TOGARAM2: variants seen among roughly 807,000 people sequenced by gnomAD.
TOGARAM2 encodes TOG array regulator of axonemal microtubules 2, also known as TOG array regulator of axonemal microtubules protein 2.
In TOGARAM2, 85 loss-of-function variants were observed where a neutral mutation model predicts 93.3. The ratio of observed to expected loss-of-function variants is 0.91; its 90% confidence interval spans 0.76 to 1.09. The LOEUF (loss-of-function observed/expected upper bound fraction) is 1.09. Among genes scored for constraint, TOGARAM2 ranks in the 50% least tolerant of loss-of-function variants. The pLI, the probability that TOGARAM2 is intolerant of heterozygous loss-of-function variation, is 0.00. For missense variants in TOGARAM2, 1,277 were observed against 1,334.5 expected (o/e 0.96, Z 0.67); for synonymous variants, 593 against 552.8 (o/e 1.07, Z -1.02).
intron 4 of TOGARAM2, among the ~76,000 whole-genome samples, chr2:28,999,815 A>C (rs1673191336): frequency 6.6e-6 from 1 of 152,172 alleles, no homozygotes; most frequent in Non-Finnish European, 1.5e-5. Context: ...AAGATCCCAA[A>C]TGTTCCCTTA....
chr2:29,002,490 C>A (rs761126219), intron 4 of TOGARAM2, 46 bp from the exon 5 acceptor site: 1 of 1,562,436 alleles, frequency 6.4e-7, no homozygotes, highest in Non-Finnish European at 8.7e-7. Flanking sequence ...CTTCCACTCC[C>A]TGTTCTTCTG....
In TOGARAM2 at chr2:28,966,147, C is replaced by T. The variant is rs541262834; in HGVS notation, c.-147+9450C>T. ...CTGGGATTACAGGTGTGCGCCACCA[C>T]GCCTGGCTAGTTTTTGTATTTTTAT... is the stretch of plus-strand genomic sequence containing the variant. On this transcript the variant is annotated intron_variant, in intron 1 of 6. Coordinates refer to the TOGARAM2 transcript ENST00000401723. 2.0e-4 allele frequency among the ~76,000 whole-genome samples: 30 copies of T among 151,466 alleles called. No homozygotes were observed. In the South Asian group the frequency reaches 5.0e-3, roughly 25 times the overall value.
intron 11 of TOGARAM2, 102 bp from the exon 12 acceptor site, chr2:29,022,978 GGGTGAC>G: frequency 1.2e-6 from 1 of 868,506 alleles, no homozygotes; most frequent in Non-Finnish European, 1.8e-6. Flanking sequence ...ACCCTGCTGC[GGGTGAC>G]GGTGGACCGT....
intron 7 of TOGARAM2, among the ~76,000 whole-genome samples, chr2:29,011,821 G>A (rs898105034): frequency 9.9e-5 from 15 of 152,212 alleles, no homozygotes; most frequent in African/African-American, 3.4e-4. Context: ...GCTGGCACAC[G>A]AAGGCTCTGT....
At chr2:28,993,076 AAAT>A (rs1672814859) in intron 1 of TOGARAM2, among the ~76,000 whole-genome samples, 1 of 141,498 alleles carries the variant, frequency 7.1e-6, no homozygotes, top group Non-Finnish European at 1.6e-5. Flanking sequence ...AAAAAAAAAA[AAAT>A]CAGAAGTTAA....
In TOGARAM2 at chr2:29,009,463, C is replaced by T. The variant is rs151154288; in HGVS notation, c.831-1992C>T. On this transcript the variant is annotated intron_variant, in intron 6 of 19. Coordinates refer to ENST00000379558, the MANE Select transcript of TOGARAM2 (RefSeq NM_199280.4). ...TGGAGGTGGGGCTGCTGCAGGAATC[C>T]GGGGAGAAGGCAAAGGGTGGCTGAG... 4.9e-3 allele frequency among the ~76,000 whole-genome samples: 324 copies of T among 65,878 alleles called. 2 individuals are homozygous for T. Among genetic ancestry groups the T allele is most frequent in the African/African-American group, 0.02 (304 of 15,384 alleles). 43.2% of individuals were successfully genotyped at this position (65,878 alleles called of 152,430 possible).
upstream of TOGARAM2, among the ~76,000 whole-genome samples, chr2:28,977,567 G>A (rs578069294): frequency 3.9e-5 from 6 of 152,130 alleles, no homozygotes; most frequent in Non-Finnish European, 8.8e-5. Flanking sequence ...TTGCAGGGGC[G>A]GGGGCTTCTT....
chr2:28,960,881 A>G (rs1671795624), intron 1 of TOGARAM2, among the ~76,000 whole-genome samples: 2 of 152,230 alleles, frequency 1.3e-5, no homozygotes, highest in South Asian at 2.1e-4. Context: ...AAATAGCCAC[A>G]TGTAGCTAGT....
chr2:29,021,593 G>A (rs1455435279), intron 10 of TOGARAM2, among the ~76,000 whole-genome samples: 1 of 152,236 alleles, frequency 6.6e-6, no homozygotes, highest in East Asian at 1.9e-4. Context: ...CCCTGTGTGT[G>A]TGGCTGCATC....
In TOGARAM2 at chr2:29,014,555, C is replaced by T. The variant is rs1039912972; in HGVS notation, c.1038C>T (p.Gly346=). The T allele has an allele frequency of 6.4e-7, 1 of 1,566,452 alleles. No individual in the cohort carries two copies. The highest frequency in any genetic ancestry group is 2.4e-5 in the East Asian group (1 of 42,262). Residue 346 remains glycine, a synonymous_variant, in exon 8 of 20, where the codon GGC becomes GGT. Transcript: ENST00000379558. ...PLKEEDQKEI[G]TKIQVTISKS... is the part of the protein sequence containing the mutation. ...AAGAAGAGGACCAGAAGGAGATCGG[C>T]ACCAAGGTACCTGGGGAGCGGGAGG...
At chr2:29,039,085 G>A (rs544967465) in intron 18 of TOGARAM2, among the ~76,000 whole-genome samples, 2 of 152,316 alleles carry the variant, frequency 1.3e-5, no homozygotes, top group South Asian at 2.1e-4. Context: ...GCAGCAGAGA[G>A]TGCATCAAAT....
chr2:29,033,353 C>A (rs1665890665), intron 15 of TOGARAM2, 116 bp from the exon 16 acceptor site: 2 of 983,544 alleles, frequency 2.0e-6, no homozygotes, highest in East Asian at 2.6e-5. Context: ...ACTGTGACAT[C>A]TGAAGCTCTC....
chr2:28,982,773 A>G (rs1377097961), intron 1 of TOGARAM2, among the ~76,000 whole-genome samples: 1 of 152,186 alleles, frequency 6.6e-6, no homozygotes, highest in Non-Finnish European at 1.5e-5. Flanking sequence ...AATGCATAAA[A>G]TGCATGCAGT....
intron 7 of TOGARAM2, among the ~76,000 whole-genome samples, chr2:29,013,050 C>T (rs1664347055): frequency 6.6e-6 from 1 of 152,202 alleles, no homozygotes; most frequent in South Asian, 2.1e-4. Context: ...CCTTTTCCAG[C>T]CTCAGGCAGC....
chr2:28,998,073 T>A, intron 2 of TOGARAM2, 70 bp from the exon 3 acceptor site: 1 of 1,108,948 alleles, frequency 9.0e-7, no homozygotes, highest in South Asian at 1.6e-5. Flanking sequence ...CGGCCGGGTG[T>A]TCTTGGTTTG....
intron 1 of TOGARAM2, among the ~76,000 whole-genome samples, chr2:28,984,181 G>A (rs1161643582): frequency 2.0e-5 from 3 of 151,880 alleles, no homozygotes; most frequent in Non-Finnish European, 4.4e-5. Context: ...AAAACCTCTG[G>A]TTCTTGGCCC....
intron 6 of TOGARAM2, among the ~76,000 whole-genome samples, chr2:29,010,538 C>T (rs531166914): frequency 1.3e-5 from 2 of 152,090 alleles, no homozygotes; most frequent in African/African-American, 4.8e-5. Context: ...GGGGGGCTGT[C>T]CTACCGCCCC....
At chr2:29,008,552 G>C (rs1254534214) in intron 6 of TOGARAM2, among the ~76,000 whole-genome samples, 1 of 152,300 alleles carries the variant, frequency 6.6e-6, no homozygotes, top group African/African-American at 2.4e-5. Flanking sequence ...TGCCTCCCTG[G>C]TTCTAGTAAT....
At chr2:29,030,589 C>A (rs1665708573) in intron 14 of TOGARAM2, among the ~76,000 whole-genome samples, 1 of 152,202 alleles carries the variant, frequency 6.6e-6, no homozygotes, top group African/African-American at 2.4e-5. Context: ...ATCCCTTACA[C>A]TAGATGATGG....
Sources: gnomAD v4.1 joint callset for allele counts (sites outside exome capture counted in the v4.1 genomes callset) on GRCh38, gnomAD v4.1.1 for gene constraint, MANE v1.5 for transcripts, NCBI Gene and HGNC (gene_info 2026-07-23, HGNC 2026-07-21) for gene names.